The following COA8 variants were observed in gnomAD, a reference collection of about 807,000 sequenced individuals.
The protein encoded by COA8 is cytochrome c oxidase assembly factor 8, also known as UPF0671 protein C14orf153.
In COA8, 20 loss-of-function variants were observed where a neutral mutation model predicts 22.0. The observed-to-expected ratio is 0.91, with a 90% CI of 0.64 to 1.32. COA8 has a LOEUF of 1.32. Ranked by LOEUF, COA8 falls within the 40% of genes most tolerant of loss-of-function variation. The probability of loss-of-function intolerance (pLI) is 0.00; values close to 1 mark genes in which losing one functional copy is unlikely to be tolerated. For missense variants in COA8, 266 were observed against 230.0 expected (o/e 1.16, Z -1.01); for synonymous variants, 105 against 79.9 (o/e 1.31, Z -1.68).
intron 3 of COA8, among the ~76,000 whole-genome samples, chr14:103,575,471 G>A (rs1407720622): frequency 6.6e-6 from 1 of 152,188 alleles, no homozygotes; most frequent in African/African-American, 2.4e-5. Flanking sequence ...GCAGGCCACG[G>A]TGCCTGCAGT....
chr14:103,570,400 A>G (rs1247506749), intron 1 of COA8, among the ~76,000 whole-genome samples: 1 of 152,094 alleles, frequency 6.6e-6, no homozygotes, highest in Non-Finnish European at 1.5e-5. Flanking sequence ...CCATTGCACA[A>G]ACAAAACCAG....
intron 3 of COA8, among the ~76,000 whole-genome samples, chr14:103,576,072 C>A (rs1209668899): frequency 6.6e-6 from 1 of 152,074 alleles, no homozygotes; most frequent in Admixed American, 6.5e-5. Context: ...CTTTGGGAGG[C>A]TGAGGCAGGG....
chr14:103,579,672 C>T (rs375151333), intron 3 of COA8, among the ~76,000 whole-genome samples: 1 of 151,324 alleles, frequency 6.6e-6, no homozygotes, highest in Admixed American at 6.6e-5. Context: ...TTTAGAAGTA[C>T]AGCATAACGG....
At chr14:103,587,545 T>G (rs1348203280) in intron 4 of COA8, among the ~76,000 whole-genome samples, 181 bp downstream of exon 4, 1 of 148,430 alleles carries the variant, frequency 6.7e-6, no homozygotes, top group Non-Finnish European at 1.5e-5. Context: ...TTTCGCTCTC[T>G]CGCCCAGGCT....
intron 1 of COA8, among the ~76,000 whole-genome samples, chr14:103,565,332 T>G (rs1014743356): frequency 1.3e-5 from 2 of 152,112 alleles, no homozygotes; most frequent in Admixed American, 1.3e-4. Flanking sequence ...AAATCCATCT[T>G]TAAAACTCAG....
intron 3 of COA8, among the ~76,000 whole-genome samples, chr14:103,583,725 A>C (rs963999146): frequency 8.5e-5 from 13 of 152,064 alleles, no homozygotes; most frequent in African/African-American, 3.1e-4. Flanking sequence ...ACCCAGTCCC[A>C]CAAGATTGCC....
At chr14:103,584,157 A>G (rs1473748714) in intron 3 of COA8, among the ~76,000 whole-genome samples, 2 of 152,008 alleles carry the variant, frequency 1.3e-5, no homozygotes, top group African/African-American at 4.8e-5. Flanking sequence ...CCTCGGCCCC[A>G]CAAAGCACTG....
chr14:103,574,104 AAGG>A lies in COA8; in HGVS notation c.322-1_323del. 1.9e-6 allele frequency: 2 copies of A among 1,028,764 alleles called. No individual in the cohort carries two copies. The highest frequency in any genetic ancestry group is 2.6e-6 in the Non-Finnish European group (2 of 768,522). The allele number at this position is 1,028,764 out of a possible 1,614,324, so 63.7% of individuals were successfully genotyped here. On this transcript the variant is annotated splice_acceptor_variant and coding_sequence_variant, in exon 3 of 5. Coordinates refer to ENST00000409074, the MANE Select transcript of COA8 (RefSeq NM_001370595.2). LOFTEE classifies it high-confidence loss of function. ...TTTTTTTTTTTTTTTTTTTTTTTTT[AAGG>A]AAAAAGAAGAATTTATTCACTCAAG...
At chr14:103,574,490 A>G in intron 3 of COA8, 1 of 530,856 alleles carries the variant, frequency 1.9e-6, no homozygotes. Context: ...CTGATTCCTG[A>G]TCTCAGTTCA....
chr14:103,563,184 G>A lies in COA8; in HGVS notation c.123+60G>A, dbSNP rs114751552. ...GGTGACCGGAAGGGAAGACAAACCC[G>A]GGCCTCGGGGCCACTCCCTGTTCTG... On this transcript the variant is annotated intron_variant, in intron 1 of 4. Coordinates refer to ENST00000409074, the MANE Select transcript of COA8 (RefSeq NM_001370595.2). The A allele has an allele frequency of 2.6e-3, 3,937 of 1,498,296 alleles. 95 individuals carry two copies. In the African/African-American group the frequency reaches 0.047, roughly 18 times the overall value. The allele number at this position is 1,498,296 out of a possible 1,614,324, so 92.8% of individuals were successfully genotyped here.
At chr14:103,571,416 G>A (rs1385468070) in intron 1 of COA8, among the ~76,000 whole-genome samples, 1 of 152,026 alleles carries the variant, frequency 6.6e-6, no homozygotes, top group Non-Finnish European at 1.5e-5. Context: ...TTCGGGAAAG[G>A]GCTGTTATTA....
chr14:103,582,052 C>T (rs1047079496), intron 3 of COA8, among the ~76,000 whole-genome samples: 2 of 152,210 alleles, frequency 1.3e-5, no homozygotes, highest in African/African-American at 2.4e-5. Flanking sequence ...GAAAGGCAGT[C>T]TGCCGGGGAG....
At position 103,571,628 on chromosome 14, in the gene COA8, A is replaced by G. The variant is rs143925033; in HGVS notation, c.129A>G (p.Ser43=). 2.5e-6 allele frequency: 4 copies of G among 1,613,622 alleles called. No individual in the cohort carries two copies. The highest frequency in any genetic ancestry group is 2.2e-5 in the South Asian group (2 of 91,002). ...ERRDTAPSGV[S]RFCPPRKSCH... is the part of the protein sequence containing the mutation. ...TCCAATTTACTTTGTTAAAGGTCTC[A>G]AGATTCTGCCCTCCAAGAAAGTCTT... is the stretch of plus-strand genomic sequence containing the variant. The change falls in exon 2 of 5, where the codon TCA becomes TCG. Residue 43 remains serine (S), a synonymous_variant. Coordinates refer to ENST00000409074, the MANE Select transcript of COA8 (RefSeq NM_001370595.2).
rs529324309 is a variant in COA8, at chr14:103,577,885, G to A, written c.385+3715G>A. Among the ~76,000 whole-genome samples, 116 of 152,006 alleles carry A rather than the reference G, an allele frequency of 7.6e-4. 1 individual carries two copies. The highest frequency in any genetic ancestry group is 2.7e-3 in the African/African-American group (112 of 41,464). On this transcript the variant is annotated intron_variant, in intron 3 of 4. Transcript: ENST00000409074. ...ACTAAAAATACAAAATTAGCCAGTC[G>A]TGGTGATGCATGCCTGTAATCCCAG...
chr14:103,565,803 A>G (rs1257638979), intron 1 of COA8, among the ~76,000 whole-genome samples: 1 of 151,420 alleles, frequency 6.6e-6, no homozygotes, highest in Non-Finnish European at 1.5e-5. Context: ...TTTTGTAGAG[A>G]CGGGTTTCAC....
rs140934999 is a variant in COA8, at chr14:103,577,746, C to T, written c.385+3576C>T. 4.7e-4 allele frequency among the ~76,000 whole-genome samples: 71 copies of T among 151,770 alleles called. 1 individual carries two copies. In the East Asian group the frequency reaches 0.012, roughly 26 times the overall value. On this transcript the variant is annotated intron_variant, in intron 3 of 4. Transcript: ENST00000409074. ...ATTTAAAAATAAAAATAATTAAGGC[C>T]GGGTGCGGTGGCTCATGCCTGTAAT...
At chr14:103,578,124 G>C (rs181795369) in intron 3 of COA8, among the ~76,000 whole-genome samples, 1 of 152,002 alleles carries the variant, frequency 6.6e-6, no homozygotes. Flanking sequence ...AGCCCAGGGG[G>C]TGGAGGCTGC....
At chr14:103,576,703 C>T (rs2076232894) in intron 3 of COA8, among the ~76,000 whole-genome samples, 1 of 152,228 alleles carries the variant, frequency 6.6e-6, no homozygotes, top group Non-Finnish European at 1.5e-5. Context: ...CCTTGTTTAT[C>T]CCTCCTAAGT....
intron 3 of COA8, among the ~76,000 whole-genome samples, chr14:103,582,791 C>T (rs1169579077): frequency 7.8e-6 from 1 of 128,984 alleles, no homozygotes; most frequent in African/African-American, 3.1e-5. Flanking sequence ...CCTAAATTCA[C>T]CCTTTTAAAC....
Sources: allele counts gnomAD v4.1 joint callset (sites outside exome capture counted in the v4.1 genomes callset), GRCh38; gene constraint gnomAD v4.1.1; transcripts MANE v1.5; gene names NCBI Gene and HGNC (gene_info 2026-07-23, HGNC 2026-07-21).